Variants in SULT1A1 observed in about 807,000 individuals in gnomAD.
SULT1A1 encodes sulfotransferase 1A1.
A neutral mutation model predicts 36.8 loss-of-function variants in SULT1A1; 35 were observed. That is an observed-to-expected ratio of 0.95 (90% confidence interval 0.73 to 1.26). The LOEUF (loss-of-function observed/expected upper bound fraction) is 1.26, where lower values mean the gene tolerates loss of function less well. Among genes scored for constraint, SULT1A1 ranks in the 50% most tolerant of loss-of-function variants. The pLI is 0.00. For synonymous variants in SULT1A1, 119 were observed against 146.0 expected (o/e 0.82, Z 1.33); for missense variants, 309 against 383.0 (o/e 0.81, Z 1.61).
chr16:28,619,986 T>C, intron 2 of SULT1A1: 1 of 793,664 alleles, frequency 1.3e-6, no homozygotes, highest in Non-Finnish European at 1.8e-6. Context: ...ATATATTGTA[T>C]TGTATATTGT....
At chr16:28,618,324 C>T (rs1411156206) in intron 2 of SULT1A1, among the ~76,000 whole-genome samples, 2 of 144,874 alleles carry the variant, frequency 1.4e-5, no homozygotes, top group African/African-American at 2.5e-5. Context: ...AAGTGTGAGC[C>T]GGCTACTTCC....
chr16:28,619,971 T>G, intron 2 of SULT1A1: 12 of 1,127,534 alleles, frequency 1.1e-5, no homozygotes, highest in Non-Finnish European at 1.5e-5. Flanking sequence ...TGATTGTATA[T>G]GTATATATAT....
chr16:28,617,005 CTTT>C (rs11339073), intron 2 of SULT1A1, among the ~76,000 whole-genome samples: 1 of 150,960 alleles, frequency 6.6e-6, no homozygotes, highest in African/African-American at 2.4e-5. Context: ...AACTCCAGAT[CTTT>C]TTTTTTATTT....
In SULT1A1 at chr16:28,621,506, A is replaced by AAAGAAG. The variant is rs1555485635; in HGVS notation, c.68-1379_68-1374dup. ...TCAAAAAAAAAAAAAAAAAAAAAAAAAAGAAGAAGAAGAAGAAGAAGAAAA... is the reference window on the plus strand; with the variant it reads ...TCAAAAAAAAAAAAAAAAAAAAAAAAAAGAAGAAGAAGAAGAAGAAGAAGAAGAAAA... On this transcript the variant is annotated intron_variant, in intron 1 of 5. Transcript: ENST00000350842. Among the ~76,000 whole-genome samples, 25 of 42,458 alleles carry AAAGAAG rather than the reference A, an allele frequency of 5.9e-4. No homozygotes were observed. The South Asian group carries it at 6.6e-3, about 11-fold the overall frequency. 27.9% of individuals were successfully genotyped at this position (42,458 alleles called of 152,430 possible).
At chr16:28,618,626 G>A (rs1190046074) in intron 2 of SULT1A1, among the ~76,000 whole-genome samples, 1 of 152,144 alleles carries the variant, frequency 6.6e-6, no homozygotes, top group African/African-American at 2.4e-5. Context: ...TTACAGGCGT[G>A]AGCCACCGTG....
intron 2 of SULT1A1, among the ~76,000 whole-genome samples, chr16:28,616,676 C>T (rs1284822742): frequency 6.6e-6 from 1 of 152,094 alleles, no homozygotes; most frequent in Non-Finnish European, 1.5e-5. Flanking sequence ...TCTCGCCTCA[C>T]CCTCCCAAAG....
exon 2 of SULT1A1, chr16:28,620,063 C>T: frequency 6.2e-7 from 1 of 1,611,394 alleles, no homozygotes; most frequent in Admixed American, 1.7e-5. Flanking sequence ...CCTGTCTTAC[C>T]ATATAGGTGT....
rs2047137250 is a variant in SULT1A1 at position 28,605,456 on chromosome 16, G to A, written c.*365C>T. 1 of 359,622 alleles carries A rather than the reference G, an allele frequency of 2.8e-6. No homozygotes were observed. The highest frequency in any genetic ancestry group is 4.5e-5 in the Admixed American group (1 of 22,382). 22.3% of individuals were successfully genotyped at this position (359,622 alleles called of 1,614,324 possible). A position where few individuals can be genotyped will look rare whatever the true frequency, so the allele number is the denominator to read the frequency against. On this transcript the variant is annotated 3_prime_UTR_variant, in exon 8 of 8. Coordinates refer to ENST00000314752, the MANE Select transcript of SULT1A1 (RefSeq NM_001055.4). ...CAGATAATTTTCTCAAATTTTTGTA[G>A]GGATGATGTCTTGTAATGTTGAACA...
rs368629156 is a variant in SULT1A1 at position 28,608,183 on chromosome 16, T to C, written c.372+108A>G. ...TGTATTTTTAGTAGAGACAAGGTTC[T>C]TCTATGTTGCTCAGGGTGCTCTCAA... is the stretch of plus-strand genomic sequence containing the variant. On this transcript the variant is annotated intron_variant, in intron 4 of 7. Transcript: ENST00000314752. 1.6e-4 allele frequency: 229 copies of C among 1,464,752 alleles called. 4 individuals are homozygous for C. In the African/African-American group the frequency reaches 3.0e-3, roughly 19 times the overall value. 90.7% of individuals were successfully genotyped at this position (1,464,752 alleles called of 1,614,324 possible). A position where few individuals can be genotyped will look rare whatever the true frequency, so the allele number is the denominator to read the frequency against.
chr16:28,607,389 C>T, intron 4 of SULT1A1: 2 of 372,834 alleles, frequency 5.4e-6, no homozygotes, highest in South Asian at 5.9e-5. Flanking sequence ...AGGACCCACC[C>T]TCTAGCTTTC....
At chr16:28,621,981 G>A (rs944015170) in intron 1 of SULT1A1, among the ~76,000 whole-genome samples, 1 of 152,120 alleles carries the variant, frequency 6.6e-6, no homozygotes, top group African/African-American at 2.4e-5. Flanking sequence ...GTTTAAATCA[G>A]CTCCTAAATG....
intron 1 of SULT1A1, among the ~76,000 whole-genome samples, chr16:28,622,656 C>CA: frequency 6.6e-6 from 1 of 152,286 alleles, no homozygotes; most frequent in African/African-American, 2.4e-5. Flanking sequence ...CCCGGGGCCC[C>CA]AGGCGTGGAT....
chr16:28,618,155 A>G (rs2047582183), intron 2 of SULT1A1, among the ~76,000 whole-genome samples: 1 of 149,716 alleles, frequency 6.7e-6, no homozygotes, highest in Non-Finnish European at 1.5e-5. Flanking sequence ...CTCCCATCTC[A>G]GCTTCCTGAG....
chr16:28,623,185 A>G lies in SULT1A1; in HGVS notation c.13T>C (p.Leu5=), dbSNP rs567678316. Residue 5 remains leucine, a synonymous_variant, in exon 1 of 6, where the codon TTG becomes CTG. Coordinates refer to the SULT1A1 transcript ENST00000350842. The stretch of plus-strand genomic sequence containing the variant: ...GCACCGACCACCTGGTCGCACAGCA[A>G]CTTGGCCAGCATGGCGCGCGGCGCT... 9.7e-6 allele frequency: 15 copies of G among 1,542,942 alleles called. No homozygotes were observed. The African/African-American group carries it at 1.1e-4, about 11-fold the overall frequency.
intron 2 of SULT1A1, among the ~76,000 whole-genome samples, chr16:28,618,437 C>T (rs1289951593): frequency 6.7e-6 from 1 of 149,170 alleles, no homozygotes; most frequent in African/African-American, 2.5e-5. Flanking sequence ...CCTCCGCCTT[C>T]CGGGTTCAAG....
chr16:28,620,254 C>T (rs1015119911), intron 1 of SULT1A1: 5 of 926,934 alleles, frequency 5.4e-6, no homozygotes, highest in South Asian at 1.6e-5. Flanking sequence ...TCAATATGAC[C>T]CTCTGATCCT....
intron 4 of SULT1A1, 98 bp from the exon 5 acceptor site, chr16:28,607,175 G>C (rs2047236459): frequency 2.6e-6 from 4 of 1,566,492 alleles, no homozygotes; most frequent in African/African-American, 2.7e-5. Context: ...CTGAGGCTTA[G>C]AGGCTGACTT....
At chr16:28,607,147 G>T in intron 4 of SULT1A1, 70 bp from the exon 5 acceptor site, 1 of 1,597,014 alleles carries the variant, frequency 6.3e-7, no homozygotes, top group Non-Finnish European at 8.6e-7. Context: ...TCATCTCTTG[G>T]ATTGGCAAAG....
chr16:28,616,719 G>T (rs879304565), intron 2 of SULT1A1, among the ~76,000 whole-genome samples: 2 of 151,904 alleles, frequency 1.3e-5, no homozygotes, highest in Admixed American at 6.6e-5. Context: ...CACCACACCC[G>T]ACGTACTTCA....
Sources: allele counts gnomAD v4.1 joint callset (sites outside exome capture counted in the v4.1 genomes callset), GRCh38; gene constraint gnomAD v4.1.1; transcripts MANE v1.5; gene names NCBI Gene and HGNC (gene_info 2026-07-23, HGNC 2026-07-21).